The following STK3 variants were observed in gnomAD, a reference collection of about 807,000 sequenced individuals.
The protein encoded by STK3 is serine/threonine kinase 3.
In STK3, 41 loss-of-function variants were observed where a neutral mutation model predicts 58.0. That is an observed-to-expected ratio of 0.71 (90% CI 0.55 to 0.92). The LOEUF (loss-of-function observed/expected upper bound fraction) is 0.92, where lower values mean the gene tolerates loss of function less well. STK3 is among the 40% of genes least tolerant of loss of function. The pLI, the probability that STK3 is intolerant of heterozygous loss-of-function variation, is 0.00. For synonymous variants in STK3, 170 were observed against 191.0 expected (o/e 0.89, Z 0.91); for missense variants, 479 against 602.7 (o/e 0.79, Z 2.15).
intron 3 of STK3, among the ~76,000 whole-genome samples, chr8:98,874,947 T>G (rs547415983): frequency 5.9e-5 from 9 of 152,194 alleles, no homozygotes; most frequent in Admixed American, 1.3e-4. Flanking sequence ...TTTAAATATA[T>G]TCAGTAAATT....
chr8:98,897,679 T>C (rs868672994), intron 1 of STK3, among the ~76,000 whole-genome samples: 5 of 152,324 alleles, frequency 3.3e-5, no homozygotes, highest in Middle Eastern at 3.4e-3. Flanking sequence ...TGGATTCACA[T>C]TGGCACTTAA....
At chr8:98,921,842 C>T (rs183745678) in intron 1 of STK3, among the ~76,000 whole-genome samples, 183 of 152,286 alleles carry the variant, frequency 1.2e-3, no homozygotes, top group South Asian at 2.3e-3. Context: ...CAGGTGCGCA[C>T]CACCAAGCCT....
intron 8 of STK3, among the ~76,000 whole-genome samples, chr8:98,571,953 C>T (rs1164684621): frequency 6.6e-6 from 1 of 152,150 alleles, no homozygotes; most frequent in Non-Finnish European, 1.5e-5. Flanking sequence ...TTAAAAATAG[C>T]ATGTCAATGC....
intron 6 of STK3, among the ~76,000 whole-genome samples, chr8:98,612,322 C>T (rs1817265781): frequency 1.3e-5 from 2 of 150,262 alleles, no homozygotes; most frequent in African/African-American, 4.9e-5. Context: ...CTTGGGAAGC[C>T]GAGTGGGGAG....
At chr8:98,836,062 G>C (rs1199236264) in intron 3 of STK3, among the ~76,000 whole-genome samples, 1 of 152,128 alleles carries the variant, frequency 6.6e-6, no homozygotes, top group Non-Finnish European at 1.5e-5. Flanking sequence ...TTAGCCGGGC[G>C]CAGTGGTGGG....
At chr8:98,549,662 A>G (rs1199586170) in intron 8 of STK3, among the ~76,000 whole-genome samples, 2 of 152,190 alleles carry the variant, frequency 1.3e-5, no homozygotes, top group Non-Finnish European at 2.9e-5. Context: ...AGTCAGTAAT[A>G]AAAGTACAAA....
intron 3 of STK3, among the ~76,000 whole-genome samples, chr8:98,394,269 A>G (rs1166143015): frequency 2.0e-5 from 3 of 152,220 alleles, no homozygotes; most frequent in African/African-American, 7.2e-5. Context: ...TTATGGAGAC[A>G]ATGTGGTTGG....
chr8:98,701,549 G>A (rs778942871), intron 6 of STK3, among the ~76,000 whole-genome samples: 15 of 151,762 alleles, frequency 9.9e-5, no homozygotes, highest in African/African-American at 1.7e-4. Flanking sequence ...GCTTGAAACC[G>A]GGAGGCAGAG....
At chr8:98,893,476 A>AG (rs1554697068) in intron 1 of STK3, among the ~76,000 whole-genome samples, 3 of 69,772 alleles carry the variant, frequency 4.3e-5, no homozygotes, top group African/African-American at 2.0e-4. Context: ...GAAAGAAAGA[A>AG]AGAAAGAAAG....
intron 10 of STK3, among the ~76,000 whole-genome samples, chr8:98,524,339 C>G (rs1211212708): frequency 2.0e-5 from 3 of 152,046 alleles, no homozygotes; most frequent in Non-Finnish European, 1.5e-5. Context: ...ATTAGGGTCC[C>G]TTGAGAATCC....
At chr8:98,691,141 G>C (rs1050710774) in intron 6 of STK3, among the ~76,000 whole-genome samples, 2 of 152,128 alleles carry the variant, frequency 1.3e-5, no homozygotes, top group African/African-American at 4.8e-5. Flanking sequence ...AGGATCAGCA[G>C]AAGCCCAAAC....
At chr8:98,665,442 G>T (rs1004677172) in intron 6 of STK3, among the ~76,000 whole-genome samples, 2 of 152,154 alleles carry the variant, frequency 1.3e-5, no homozygotes, top group Admixed American at 6.6e-5. Flanking sequence ...TGCTGCCTAG[G>T]CTGGAGTGCA....
At chr8:98,400,570 T>C (rs912401388), downstream of STK3, among the ~76,000 whole-genome samples, 1 of 152,242 alleles carries the variant, frequency 6.6e-6, no homozygotes, top group Non-Finnish European at 1.5e-5. Flanking sequence ...GCTTCTCCTG[T>C]TCCATTTCCA....
intron 8 of STK3, among the ~76,000 whole-genome samples, chr8:98,568,224 C>T (rs1812667247): frequency 2.0e-5 from 3 of 152,090 alleles, no homozygotes; most frequent in South Asian, 4.2e-4. Flanking sequence ...TACACCTATC[C>T]CTCTCAAAAC....
intron 6 of STK3, among the ~76,000 whole-genome samples, chr8:98,614,715 C>T (rs1254135624): frequency 6.6e-6 from 1 of 152,186 alleles, no homozygotes; most frequent in African/African-American, 2.4e-5. Context: ...CCTGGAAAAT[C>T]GGGTCACTCT....
intron 6 of STK3, among the ~76,000 whole-genome samples, chr8:98,659,544 T>C (rs573569290): frequency 7.9e-5 from 12 of 151,958 alleles, no homozygotes; most frequent in South Asian, 4.1e-4. Flanking sequence ...AATTAAGCAT[T>C]GCTCAGTTGA....
intron 6 of STK3, among the ~76,000 whole-genome samples, chr8:98,616,335 C>G (rs1817711117): frequency 7.1e-6 from 1 of 141,516 alleles, no homozygotes; most frequent in Non-Finnish European, 1.5e-5. Flanking sequence ...AAGGAACAAC[C>G]AGTACCAGCC....
chr8:98,699,967 G>C lies in STK3; in HGVS notation c.684+6500C>G, dbSNP rs892067123. On this transcript the variant is annotated intron_variant, in intron 6 of 10. Transcript: ENST00000419617. ...TGTTTGTCTGTGCCCTGCCTCCAGA[G>C]GTGAAGCCTACAGAGGCAGGCAGGC... 5.1e-4 allele frequency among the ~76,000 whole-genome samples: 78 copies of C among 152,374 alleles called. 1 individual carries two copies. Among genetic ancestry groups the C allele is most frequent in the African/African-American group, 1.7e-3 (72 of 41,584 alleles).
intron 3 of STK3, chr8:98,429,086 C>T (rs757518263): frequency 1.2e-5 from 19 of 1,613,158 alleles, no homozygotes; most frequent in Middle Eastern, 1.6e-4. Context: ...GGTGGGCTAC[C>T]GTCAGTATGA....
Sources: gnomAD v4.1 joint callset for allele counts (sites outside exome capture counted in the v4.1 genomes callset) on GRCh38, gnomAD v4.1.1 for gene constraint, MANE v1.5 for transcripts, NCBI Gene and HGNC (gene_info 2026-07-23, HGNC 2026-07-21) for gene names.